The following ARMH4 variants were observed in gnomAD, a reference collection of about 807,000 sequenced individuals.
ARMH4 encodes the protein armadillo like helical domain containing 4, also known as armadillo-like helical domain-containing protein 4.
ARMH4 carries 49 observed loss-of-function variants against 61.9 expected under a neutral mutation model. That is an observed-to-expected ratio of 0.79 (90% confidence interval 0.63 to 1.00). ARMH4 has a LOEUF of 1.00. Among genes scored for constraint, ARMH4 ranks in the 50% least tolerant of loss-of-function variants. The probability of loss-of-function intolerance (pLI) is 0.00; values close to 1 mark genes in which losing one functional copy is unlikely to be tolerated. For missense variants in ARMH4, 934 were observed against 930.0 expected (o/e 1.00, Z -0.06); for synonymous variants, 368 against 341.5 (o/e 1.08, Z -0.85).
rs761053071 is a variant in ARMH4, at chr14:58,005,066, G to C, written c.2238C>G (p.Phe746Leu). ...TCCATACCTTTCTTTTATGCCTTTT[G>C]AAGCCATTTCTCCTTCGGCGATTCA... is the stretch of plus-strand genomic sequence containing the variant. ...KVMNRRRRNG[F>L]KRHKRKQREF... Residue 746 changes from phenylalanine (F) to leucine (L), a missense_variant, in exon 7 of 8, where the codon TTC (phenylalanine) becomes TTG (leucine). Transcript: ENST00000267485. 1.2e-6 allele frequency: 2 copies of C among 1,613,966 alleles called. No homozygotes were observed. The highest frequency in any genetic ancestry group is 8.5e-7 in the Non-Finnish European group (1 of 1,179,926).
chr14:58,018,907 G>A (rs1404986664), intron 5 of ARMH4, among the ~76,000 whole-genome samples: 1 of 151,994 alleles, frequency 6.6e-6, no homozygotes, highest in Non-Finnish European at 1.5e-5. Flanking sequence ...TGTGGTTACT[G>A]TATATAAACA....
At chr14:58,042,246 T>G (rs1883746260) in intron 5 of ARMH4, among the ~76,000 whole-genome samples, 1 of 152,166 alleles carries the variant, frequency 6.6e-6, no homozygotes, top group Non-Finnish European at 1.5e-5. Flanking sequence ...TATAACAAAC[T>G]GTCTCTCAGA....
intron 5 of ARMH4, among the ~76,000 whole-genome samples, chr14:58,087,891 A>G (rs1462478719): frequency 6.6e-6 from 1 of 152,216 alleles, no homozygotes; most frequent in Non-Finnish European, 1.5e-5. Flanking sequence ...CATAAAAATA[A>G]AAGAAAAACA....
chr14:58,064,170 G>A (rs1884629172), intron 5 of ARMH4, among the ~76,000 whole-genome samples: 1 of 149,958 alleles, frequency 6.7e-6, no homozygotes, highest in Admixed American at 6.6e-5. Flanking sequence ...TAATATTTAT[G>A]CATTCATTAA....
At chr14:58,069,769 G>T (rs1884824122) in intron 5 of ARMH4, among the ~76,000 whole-genome samples, 1 of 152,098 alleles carries the variant, frequency 6.6e-6, no homozygotes, top group South Asian at 2.1e-4. Flanking sequence ...CCAACACAAG[G>T]ATTTCATTTA....
chr14:58,019,555 A>G (rs1260208440), intron 5 of ARMH4, among the ~76,000 whole-genome samples: 1 of 152,116 alleles, frequency 6.6e-6, no homozygotes, highest in Non-Finnish European at 1.5e-5. Flanking sequence ...AAACGTGTGA[A>G]GATCGAAGAT....
intron 5 of ARMH4, among the ~76,000 whole-genome samples, chr14:58,029,975 T>A (rs918018344): frequency 7.2e-5 from 11 of 152,190 alleles, no homozygotes; most frequent in Non-Finnish European, 1.6e-4. Flanking sequence ...AACTGATTGA[T>A]AAACAAAATG....
chr14:58,087,883 T>C (rs1400204647), intron 5 of ARMH4, among the ~76,000 whole-genome samples: 3 of 152,184 alleles, frequency 2.0e-5, no homozygotes, highest in African/African-American at 4.8e-5. Context: ...CTCGTGAACA[T>C]AAAAATAAAA....
intron 5 of ARMH4, among the ~76,000 whole-genome samples, chr14:58,089,377 G>C (rs1248035255): frequency 6.6e-6 from 1 of 152,096 alleles, no homozygotes; most frequent in Non-Finnish European, 1.5e-5. Flanking sequence ...GTTTTAAATG[G>C]ATAATAAGAA....
intron 5 of ARMH4, among the ~76,000 whole-genome samples, chr14:58,034,336 T>C (rs4638491): frequency 0.17 from 18,461 of 108,122 alleles, 4,064 homozygotes; most frequent in East Asian, 0.57. Flanking sequence ...TAAAATACTT[T>C]ATAGACAAGC....
At chr14:58,028,732 C>T (rs1030728423) in intron 5 of ARMH4, among the ~76,000 whole-genome samples, 18 of 152,172 alleles carry the variant, frequency 1.2e-4, no homozygotes, top group Admixed American at 4.6e-4. Flanking sequence ...GTTGCCTCCA[C>T]AGACAACAAC....
In ARMH4 at chr14:58,002,981, C is replaced by T. The variant is rs191548234; in HGVS notation, c.*1755G>A. ...GCCAGACATTATTCAAAAACGGATT[C>T]TAGGAAGGTTTATTAGTTCCATAGA... On this transcript the variant is annotated 3_prime_UTR_variant, in exon 8 of 8. Transcript: ENST00000267485. 1.3e-5 allele frequency: 2 copies of T among 152,134 alleles called. No individual in the cohort carries two copies. Among genetic ancestry groups the T allele is most frequent in the Admixed American group, 6.5e-5 (1 of 15,292 alleles). The allele number at this position is 152,134 out of a possible 1,614,324, so 9.4% of individuals were successfully genotyped here.
intron 5 of ARMH4, among the ~76,000 whole-genome samples, chr14:58,080,100 T>C (rs985811099): frequency 6.8e-6 from 1 of 147,704 alleles, no homozygotes; most frequent in African/African-American, 2.5e-5. Context: ...GTCACTATCA[T>C]TAAGATTTAT....
chr14:58,029,973 G>A (rs1883168699), intron 5 of ARMH4, among the ~76,000 whole-genome samples: 1 of 152,168 alleles, frequency 6.6e-6, no homozygotes, highest in South Asian at 2.1e-4. Context: ...TCAACTGATT[G>A]ATAAACAAAA....
At position 58,027,166 on chromosome 14, in the gene ARMH4, G is replaced by A. The variant is rs560286411; in HGVS notation, c.2090-15016C>T. ...GGCAAATCTTTGGTTAAGAACACCT[G>A]AGCACTGATGACTAAAGAGTAGACA... is the stretch of plus-strand genomic sequence containing the variant. On this transcript the variant is annotated intron_variant, in intron 5 of 7. Transcript: ENST00000267485. Among the ~76,000 whole-genome samples the A allele has an allele frequency of 4.9e-3, 744 of 152,322 alleles. 8 individuals are homozygous for A. Among genetic ancestry groups the A allele is most frequent in the African/African-American group, 0.017 (704 of 41,570 alleles).
chr14:58,025,464 A>G (rs1316818446), intron 5 of ARMH4, among the ~76,000 whole-genome samples: 2 of 152,198 alleles, frequency 1.3e-5, no homozygotes. Context: ...CAATGAAAAG[A>G]GAAATGCATG....
rs187447904 is a variant in ARMH4, at chr14:58,083,560, G to T, written c.2089+13164C>A. ...ATTGCACAGCTGCACTCCAGCCTGG[G>T]CGACAGAGCAAGACTCCATCTCAAA... is the stretch of plus-strand genomic sequence containing the variant. On this transcript the variant is annotated intron_variant, in intron 5 of 7. Coordinates refer to ENST00000267485, the MANE Select transcript of ARMH4 (RefSeq NM_001001872.4). 7.4e-3 allele frequency among the ~76,000 whole-genome samples: 1,134 copies of T among 152,288 alleles called. 10 individuals carry two copies. The highest frequency in any genetic ancestry group is 0.011 in the Non-Finnish European group (728 of 68,040).
intron 4 of ARMH4, among the ~76,000 whole-genome samples, chr14:58,097,374 C>T (rs1885788120): frequency 6.6e-6 from 1 of 152,128 alleles, no homozygotes; most frequent in African/African-American, 2.4e-5. Context: ...TGTTCCCATC[C>T]CTTTATAGCT....
chr14:58,095,804 C>T (rs1885729497), intron 5 of ARMH4, among the ~76,000 whole-genome samples: 3 of 152,204 alleles, frequency 2.0e-5, no homozygotes, highest in Admixed American at 2.0e-4. Flanking sequence ...GACATATCCC[C>T]AAAACTAGTA....
Sources: gnomAD v4.1 joint callset for allele counts (sites outside exome capture counted in the v4.1 genomes callset) on GRCh38, gnomAD v4.1.1 for gene constraint, MANE v1.5 for transcripts, NCBI Gene and HGNC (gene_info 2026-07-23, HGNC 2026-07-21) for gene names.